The following LMO7 variants were observed in gnomAD, a reference collection of about 807,000 sequenced individuals.
The protein encoded by LMO7 is LIM domain 7.
LMO7 carries 120 observed loss-of-function variants against 206.5 expected under a neutral mutation model. That is an observed-to-expected ratio of 0.58 (90% CI 0.50 to 0.68). The LOEUF (loss-of-function observed/expected upper bound fraction) is 0.68, where lower values mean the gene tolerates loss of function less well. Ranked by LOEUF, LMO7 falls within the 30% of genes least tolerant of loss-of-function variation. LMO7 has a pLI of 0.00. For missense variants in LMO7, 1,959 were observed against 1,957.9 expected, an observed-to-expected ratio of 1.00 and a Z score of -0.01; for synonymous variants, 706 against 681.5, an observed-to-expected ratio of 1.04 and a Z score of -0.56.
chr13:75,776,276 C>T lies in LMO7; in HGVS notation c.317+15238C>T, dbSNP rs539335589. ...TTTGAAGTTAGTTCATTCATAAAAT[C>T]GTGGGAATTACAGAACCAGGAAGGA... On this transcript the variant is annotated intron_variant, in intron 4 of 30. Coordinates refer to ENST00000377534, the MANE Select transcript of LMO7 (RefSeq NM_001306080.2). Among the ~76,000 whole-genome samples, 4 of 141,542 alleles carry T rather than the reference C, an allele frequency of 2.8e-5. No homozygotes were observed. In the East Asian group the frequency reaches 6.5e-4, roughly 23 times the overall value. The allele number at this position is 141,542 out of a possible 152,430, so 92.9% of individuals were successfully genotyped here. A position where few individuals can be genotyped will look rare whatever the true frequency, so the allele number is the denominator to read the frequency against.
At chr13:75,798,368 C>A (rs1474199247) in intron 6 of LMO7, among the ~76,000 whole-genome samples, 1 of 152,094 alleles carries the variant, frequency 6.6e-6, no homozygotes, top group African/African-American at 2.4e-5. Flanking sequence ...AACAAACAAA[C>A]AAAAAACCAT....
intron 2 of LMO7, among the ~76,000 whole-genome samples, chr13:75,720,604 T>G (rs1006645356): frequency 1.2e-4 from 18 of 152,208 alleles, no homozygotes; most frequent in African/African-American, 4.3e-4. Flanking sequence ...GCTATAATTA[T>G]TGAGGGTCTC....
intron 3 of LMO7, among the ~76,000 whole-genome samples, chr13:75,732,085 A>G (rs1322610995): frequency 6.6e-6 from 1 of 151,984 alleles, no homozygotes; most frequent in Non-Finnish European, 1.5e-5. Flanking sequence ...ACTTTAGTGA[A>G]TCTGACAATT....
At position 75,685,109 on chromosome 13, in the gene LMO7, TATC is replaced by T. The variant is rs1008458644; in HGVS notation, c.70-28069_70-28067del. ...TGTTTTCCATAACTTTCCAGTTGTTTATCATCTAGGTGATTTTCCCAGAATTTG... is the reference window on the plus strand; with the variant it reads ...TGTTTTCCATAACTTTCCAGTTGTTTATCTAGGTGATTTTCCCAGAATTTG... On this transcript the variant is annotated intron_variant, in intron 1 of 30. Coordinates refer to ENST00000377534, the MANE Select transcript of LMO7 (RefSeq NM_001306080.2). Among the ~76,000 whole-genome samples, 3 of 152,336 alleles carry T rather than the reference TATC, an allele frequency of 2.0e-5. 1 individual carries two copies. Among genetic ancestry groups the T allele is most frequent in the African/African-American group, 7.2e-5 (3 of 41,570 alleles).
At chr13:75,737,608 C>A (rs1329573469) in intron 3 of LMO7, among the ~76,000 whole-genome samples, 1 of 146,708 alleles carries the variant, frequency 6.8e-6, no homozygotes, top group East Asian at 2.0e-4. Context: ...AAAAAATTAG[C>A]CGGGCGTGGT....
chr13:75,835,292 T>G lies in LMO7; in HGVS notation c.3286T>G (p.Ser1096Ala), dbSNP rs2059028548. 1 of 1,610,296 alleles carries G rather than the reference T, an allele frequency of 6.2e-7. No individual in the cohort carries two copies. Residue 1096 changes from serine (S) to alanine (A), a missense_variant, in exon 18 of 31, where the codon TCA (serine) becomes GCA (alanine). Physicochemically the swap from Ser to Ala is moderately conservative, Grantham distance 99. Transcript: ENST00000377534. ...TSGIYNSEKS[S>A]NLSVTTDFSE... ...TGGAATTTACAACTCAGAAAAATCT[T>G]CAAATCTATCTGTAACAACTGATTT...
At chr13:75,825,496 A>G (rs1342891266) in intron 15 of LMO7, among the ~76,000 whole-genome samples, 2 of 152,210 alleles carry the variant, frequency 1.3e-5, no homozygotes, top group African/African-American at 2.4e-5. Flanking sequence ...AGGAGCTTCA[A>G]TTAATGTGGC....
Position 75,636,504 on chromosome 13 carries a change from A to G in LMO7, c.-154A>G. On this transcript the variant is annotated 5_prime_UTR_variant, in exon 1 of 31. Coordinates refer to ENST00000377534, the MANE Select transcript of LMO7 (RefSeq NM_001306080.2). Reference sequence around the variant, plus strand: ...CCTTAACGAACTGCAGAGCGCAACAAAGGGAACTAGAGCCCCGGCGCCTTC... The same window carrying G: ...CCTTAACGAACTGCAGAGCGCAACAGAGGGAACTAGAGCCCCGGCGCCTTC... The G allele has an allele frequency of 4.0e-6, 6 of 1,490,706 alleles. No individual in the cohort carries two copies. Among genetic ancestry groups the G allele is most frequent in the Non-Finnish European group, 5.3e-6 (6 of 1,130,382 alleles). The allele number at this position is 1,490,706 out of a possible 1,614,324, so 92.3% of individuals were successfully genotyped here.
Position 75,855,350 on chromosome 13 carries a change from T to C in LMO7, c.4752T>C (p.Tyr1584=). 2.5e-6 allele frequency: 4 copies of C among 1,612,290 alleles called. No homozygotes were observed. The highest frequency in any genetic ancestry group is 3.4e-6 in the Non-Finnish European group (4 of 1,178,412). The change falls in exon 29 of 31, where the codon TAT becomes TAC. Residue 1584 remains tyrosine, a synonymous_variant. Coordinates refer to ENST00000377534, the MANE Select transcript of LMO7 (RefSeq NM_001306080.2). ...AMIIESLGLC[Y]HLHCFKCVAC... ...TCATCGAGTCCCTGGGTCTTTGTTA[T>C]CATTTGCATTGTTTTAAGGTGAGAC...
At chr13:75,634,315 G>A (rs1351645913), upstream of LMO7, among the ~76,000 whole-genome samples, 2 of 152,054 alleles carry the variant, frequency 1.3e-5, no homozygotes, top group African/African-American at 4.8e-5. Flanking sequence ...TCACTTGCCT[G>A]TAGTCGCAGC....
At chr13:75,662,410 C>G (rs1280594502) in intron 1 of LMO7, among the ~76,000 whole-genome samples, 2 of 152,132 alleles carry the variant, frequency 1.3e-5, no homozygotes, top group African/African-American at 4.8e-5. Context: ...TTGTGACTTC[C>G]CAGAGTCAAG....
chr13:75,755,538 C>T (rs911714545), intron 3 of LMO7, among the ~76,000 whole-genome samples: 14 of 152,144 alleles, frequency 9.2e-5, no homozygotes, highest in Non-Finnish European at 1.5e-5. Flanking sequence ...GCAAGGAGGG[C>T]ACATTGACAT....
chr13:75,663,432 C>CTTTCTTTCTTTTT (rs1555289857), intron 1 of LMO7, among the ~76,000 whole-genome samples: 2 of 111,408 alleles, frequency 1.8e-5, no homozygotes, highest in African/African-American at 3.8e-5. Flanking sequence ...TTCTTTCTTT[C>CTTTCTTTCTTTTT]TTTTTTTTTT....
At chr13:75,645,935 C>T (rs965561635) in intron 1 of LMO7, among the ~76,000 whole-genome samples, 5 of 152,218 alleles carry the variant, frequency 3.3e-5, no homozygotes, top group Admixed American at 6.5e-5. Flanking sequence ...ATCTTCTCCA[C>T]GCTGATTGCT....
intron 1 of LMO7, among the ~76,000 whole-genome samples, chr13:75,692,702 A>T (rs969564446): frequency 2.0e-5 from 3 of 152,148 alleles, no homozygotes; most frequent in African/African-American, 7.2e-5. Flanking sequence ...GGGATTGTCT[A>T]GTCAAGTTTT....
chr13:75,641,822 TTTC>T (rs2036562622), intron 1 of LMO7, among the ~76,000 whole-genome samples: 1 of 151,648 alleles, frequency 6.6e-6, no homozygotes, highest in Non-Finnish European at 1.5e-5. Context: ...AACTTTTGTA[TTTC>T]TTTTTTTTTT....
At chr13:75,826,864 C>T (rs550925262) in intron 15 of LMO7, among the ~76,000 whole-genome samples, 10 of 152,224 alleles carry the variant, frequency 6.6e-5, no homozygotes, top group East Asian at 3.9e-4. Flanking sequence ...GAAAGAGACA[C>T]GATTCACCTG....
intron 2 of LMO7, among the ~76,000 whole-genome samples, chr13:75,719,648 C>T (rs530726254): frequency 6.6e-6 from 1 of 152,282 alleles, no homozygotes; most frequent in East Asian, 1.9e-4. Flanking sequence ...CTTGCTTCCC[C>T]TTCACCTTCT....
Position 75,718,433 on chromosome 13 carries a change from G to T in LMO7, c.140+5181G>T, listed in dbSNP as rs138117723. Among the ~76,000 whole-genome samples, 141 of 152,298 alleles carry T rather than the reference G, an allele frequency of 9.3e-4. 1 individual carries two copies. Among genetic ancestry groups the T allele is most frequent in the African/African-American group, 3.3e-3 (137 of 41,558 alleles). ...GTAGTTAAATAGTACAGGAAGCCAG[G>T]TCCCTCCGTTAGATTCCTTTTGCTT... On this transcript the variant is annotated intron_variant, in intron 2 of 30. Coordinates refer to ENST00000377534, the MANE Select transcript of LMO7 (RefSeq NM_001306080.2).
Sources: gnomAD v4.1 joint callset for allele counts (sites outside exome capture counted in the v4.1 genomes callset) on GRCh38, gnomAD v4.1.1 for gene constraint, MANE v1.5 for transcripts, NCBI Gene and HGNC (gene_info 2026-07-23, HGNC 2026-07-21) for gene names.